The following SAMMSON variants were observed in gnomAD, a reference collection of about 807,000 sequenced individuals.
SAMMSON encodes long intergenic non-protein coding RNA 1212.
At position 70,295,444 on chromosome 3, in the gene SAMMSON, C is replaced by G. The variant is rs78946103; in HGVS notation, n.739+4201C>G. Among the ~76,000 whole-genome samples the G allele has an allele frequency of 4.5e-3, 679 of 152,246 alleles. 1 individual carries two copies. The highest frequency in any genetic ancestry group is 0.01 in the Middle Eastern group (3 of 294). On this transcript the variant is annotated intron_variant and non_coding_transcript_variant, in intron 7 of 9. Coordinates refer to ENST00000642114, the Ensembl canonical transcript of SAMMSON. ...AAAGCCCAGACATGGTGGCTTATTACTGTAATCCTAGCACTTTGGGAGGCC... is the reference window on the plus strand; with the variant it reads ...AAAGCCCAGACATGGTGGCTTATTAGTGTAATCCTAGCACTTTGGGAGGCC...
At chr3:70,245,712 T>TATAC (rs1289496906) in intron 4 of SAMMSON, among the ~76,000 whole-genome samples, 1 of 128,382 alleles carries the variant, frequency 7.8e-6, no homozygotes, top group East Asian at 2.3e-4. Flanking sequence ...TATATATATA[T>TATAC]ATACACATTC....
chr3:70,003,191 T>C (rs566756047), intron 1 of SAMMSON, among the ~76,000 whole-genome samples: 1 of 152,226 alleles, frequency 6.6e-6, no homozygotes, highest in South Asian at 2.1e-4. Flanking sequence ...GCATGTATTT[T>C]TACTCTTTTT....
At chr3:70,076,211 G>A (rs1420018362) in intron 4 of SAMMSON, among the ~76,000 whole-genome samples, 2 of 152,024 alleles carry the variant, frequency 1.3e-5, no homozygotes, top group Non-Finnish European at 2.9e-5. Context: ...TAGAAATTTA[G>A]GGTGAGGGTG....
chr3:70,270,304 A>T (rs759883568), intron 6 of SAMMSON, among the ~76,000 whole-genome samples: 84 of 152,346 alleles, frequency 5.5e-4, no homozygotes, highest in Non-Finnish European at 1.0e-3. Context: ...AAGCATGGGA[A>T]ATAAATAAAA....
chr3:70,266,442 C>G (rs895401059), intron 6 of SAMMSON, among the ~76,000 whole-genome samples: 1 of 151,666 alleles, frequency 6.6e-6, no homozygotes, highest in African/African-American at 2.4e-5. Flanking sequence ...TATTTAGAGA[C>G]AGGGTCTCAT....
chr3:70,182,255 A>T (rs1435891934), intron 4 of SAMMSON, among the ~76,000 whole-genome samples: 2 of 151,998 alleles, frequency 1.3e-5, no homozygotes, highest in African/African-American at 4.8e-5. Context: ...GAGCTGAAAA[A>T]CACTTGGCAC....
chr3:70,281,328 T>C (rs902480699), intron 6 of SAMMSON, among the ~76,000 whole-genome samples: 3 of 152,158 alleles, frequency 2.0e-5, no homozygotes, highest in Non-Finnish European at 4.4e-5. Context: ...CCTCCTGATC[T>C]TATCCATTCT....
chr3:70,243,175 G>T (rs992724275), intron 4 of SAMMSON, among the ~76,000 whole-genome samples: 1 of 152,040 alleles, frequency 6.6e-6, no homozygotes, highest in South Asian at 2.1e-4. Context: ...AGAGTCTTTG[G>T]CTCATGAACA....
intron 6 of SAMMSON, among the ~76,000 whole-genome samples, chr3:70,256,557 C>T (rs1044149107): frequency 1.3e-5 from 2 of 152,092 alleles, no homozygotes; most frequent in Non-Finnish European, 2.9e-5. Flanking sequence ...GAAATTAATA[C>T]AATATTGGAA....
At chr3:70,406,490 T>A (rs1001303125) in intron 2 of SAMMSON, among the ~76,000 whole-genome samples, 2 of 152,166 alleles carry the variant, frequency 1.3e-5, no homozygotes, top group Admixed American at 6.5e-5. Flanking sequence ...AAACATTTTT[T>A]AAAAAGATAG....
In SAMMSON at chr3:70,311,057, A is replaced by G. The variant is rs1702449598; in HGVS notation, n.739+19814A>G. ...AATAAACATTGTCAATGTTGATGTT[A>G]TTGTTATCATTATTTTGGTGTTGTC... is the stretch of plus-strand genomic sequence containing the variant. On this transcript the variant is annotated intron_variant and non_coding_transcript_variant, in intron 7 of 9. Transcript: ENST00000642114. 1.3e-5 allele frequency among the ~76,000 whole-genome samples: 2 copies of G among 152,176 alleles called. 1 individual carries two copies. The highest frequency in any genetic ancestry group is 1.3e-4 in the Admixed American group (2 of 15,268).
chr3:70,372,159 G>T (rs922355114), intron 9 of SAMMSON, among the ~76,000 whole-genome samples: 1 of 151,882 alleles, frequency 6.6e-6, no homozygotes, highest in Admixed American at 6.6e-5. Flanking sequence ...TTCCTAGTTT[G>T]CTGAGAGTTT....
intron 4 of SAMMSON, among the ~76,000 whole-genome samples, chr3:70,181,167 C>T (rs536218071): frequency 1.3e-5 from 2 of 152,304 alleles, no homozygotes; most frequent in Admixed American, 6.5e-5. Context: ...AGCAGCATTG[C>T]TCCTTTCCTC....
At chr3:70,065,871 A>G (rs1365185034) in intron 3 of SAMMSON, among the ~76,000 whole-genome samples, 1 of 152,128 alleles carries the variant, frequency 6.6e-6, no homozygotes, top group African/African-American at 2.4e-5. Context: ...CTGGTTGCCA[A>G]CAGGTGTCAC....
chr3:70,001,883 C>G (rs1421714496), intron 1 of SAMMSON, among the ~76,000 whole-genome samples: 1 of 152,178 alleles, frequency 6.6e-6, no homozygotes, highest in Admixed American at 6.5e-5. Flanking sequence ...GTAGCCGATT[C>G]CTGTTCTGCT....
intron 3 of SAMMSON, among the ~76,000 whole-genome samples, chr3:70,025,523 A>T (rs1339450095): frequency 6.6e-6 from 1 of 152,210 alleles, no homozygotes; most frequent in Non-Finnish European, 1.5e-5. Flanking sequence ...GATTACAGGC[A>T]TGAGCCACCG....
intron 3 of SAMMSON, among the ~76,000 whole-genome samples, chr3:70,045,983 T>C (rs1378556003): frequency 1.3e-5 from 2 of 152,128 alleles, no homozygotes; most frequent in African/African-American, 4.8e-5. Flanking sequence ...TTTATCTTTT[T>C]AAGCATCACT....
intron 3 of SAMMSON, among the ~76,000 whole-genome samples, chr3:70,059,609 A>G (rs1156888010): frequency 1.3e-5 from 2 of 152,130 alleles, no homozygotes; most frequent in African/African-American, 2.4e-5. Flanking sequence ...CTTTTGTTCT[A>G]TTCAGGCCCT....
At chr3:70,009,354 TG>T (rs2066943909) in intron 1 of SAMMSON, 2 of 152,228 alleles carry the variant, frequency 1.3e-5, no homozygotes, top group African/African-American at 4.8e-5. Flanking sequence ...AGCTTCTTCC[TG>T]GTTTATTCTT....
Sources: gnomAD v4.1 joint callset for allele counts (sites outside exome capture counted in the v4.1 genomes callset) on GRCh38, gnomAD v4.1.1 for gene constraint, MANE v1.5 for transcripts, NCBI Gene and HGNC (gene_info 2026-07-23, HGNC 2026-07-21) for gene names.